Variants in CUL4A observed in about 807,000 individuals in gnomAD.
CUL4A encodes cullin-4A.
In CUL4A, 16 loss-of-function variants were observed where a neutral mutation model predicts 95.5. That is an observed-to-expected ratio of 0.17 (90% CI 0.11 to 0.25). The LOEUF (loss-of-function observed/expected upper bound fraction) is 0.25. CUL4A is among the 10% of genes least tolerant of loss of function. The pLI is 1.00. For missense variants in CUL4A, 610 were observed against 937.0 expected (o/e 0.65, Z 4.56); for synonymous variants, 380 against 353.1 (o/e 1.08, Z -0.85).
chr13:113,237,324 T>G (rs916988715), intron 9 of CUL4A, among the ~76,000 whole-genome samples: 4 of 152,210 alleles, frequency 2.6e-5, no homozygotes, highest in African/African-American at 9.7e-5. Flanking sequence ...CATCTTAGTG[T>G]CAGATGAACT....
At chr13:113,219,454 C>T (rs543954793) in intron 3 of CUL4A, 13 of 163,884 alleles carry the variant, frequency 7.9e-5, no homozygotes, top group Middle Eastern at 3.0e-3. Context: ...GGATTCTATG[C>T]TCAGTCTCAC....
At chr13:113,234,013 C>G (rs370554127) in intron 7 of CUL4A, 27 bp downstream of exon 7, 4 of 1,488,370 alleles carry the variant, frequency 2.7e-6, no homozygotes, top group Non-Finnish European at 1.9e-6. Context: ...TTTCCGAATC[C>G]CCTGGCTTCG....
chr13:113,224,228 C>T (rs376838826), intron 3 of CUL4A, among the ~76,000 whole-genome samples: 1 of 152,138 alleles, frequency 6.6e-6, no homozygotes, highest in Non-Finnish European at 1.5e-5. Flanking sequence ...TGGCGGGCAC[C>T]TGTAGTCCCA....
intron 10 of CUL4A, among the ~76,000 whole-genome samples, chr13:113,242,035 G>A (rs902823841): frequency 1.3e-5 from 2 of 152,094 alleles, no homozygotes; most frequent in Non-Finnish European, 2.9e-5. Context: ...ATACAAACTA[G>A]GCTAGGCACA....
At chr13:113,208,823 C>T, upstream of CUL4A, 2 of 1,410,004 alleles carry the variant, frequency 1.4e-6, no homozygotes, top group Non-Finnish European at 1.8e-6. Context: ...CGGGGTCTTT[C>T]TGCCGGGGCC....
At chr13:113,229,687 T>A (rs2041240258) in intron 5 of CUL4A, 168 bp downstream of exon 5, 1 of 591,414 alleles carries the variant, frequency 1.7e-6, no homozygotes, top group Non-Finnish European at 3.0e-6. Flanking sequence ...GGTCTTAGCC[T>A]TGAAACACCA....
At position 113,254,749 on chromosome 13, in the gene CUL4A, C is replaced by T. The variant is rs754199849; in HGVS notation, c.1809C>T (p.Asn603=). The change falls in exon 17 of 20, where the codon AAC becomes AAT. Residue 603 remains asparagine (N), a synonymous_variant. Coordinates refer to ENST00000375440, the MANE Select transcript of CUL4A (RefSeq NM_001008895.4). ...AGACACTGGTGCTCCTCATGTTCAA[C>T]GAGGGAGATGGCTTCAGCTTTGAGG... ...LFQTLVLLMF[N]EGDGFSFEEI... The T allele has an allele frequency of 5.6e-6, 9 of 1,613,150 alleles. No individual in the cohort carries two copies. The highest frequency in any genetic ancestry group is 1.3e-5 in the African/African-American group (1 of 74,858).
At chr13:113,224,791 A>G (rs2041040539) in intron 3 of CUL4A, among the ~76,000 whole-genome samples, 1 of 152,252 alleles carries the variant, frequency 6.6e-6, no homozygotes, top group Admixed American at 6.5e-5. Flanking sequence ...TGAAGAGACG[A>G]AAGCCCAAGA....
At chr13:113,245,118 AC>A (rs2041823113) in intron 13 of CUL4A, 33 bp from the exon 14 acceptor site, 1 of 1,612,780 alleles carries the variant, frequency 6.2e-7, no homozygotes, top group East Asian at 2.2e-5. Context: ...CCCGTGTGTT[AC>A]CCCGATCTCA....
chr13:113,218,885 T>G (rs1260460744), intron 2 of CUL4A, 60 bp from the exon 3 acceptor site: 2 of 1,225,542 alleles, frequency 1.6e-6, no homozygotes, highest in African/African-American at 3.0e-5. Context: ...ACAATAGGGT[T>G]TTTTTATGAA....
intron 19 of CUL4A, among the ~76,000 whole-genome samples, 174 bp downstream of exon 19, chr13:113,260,933 A>G (rs181524884): frequency 4.6e-5 from 7 of 152,350 alleles, no homozygotes; most frequent in Admixed American, 3.9e-4. Flanking sequence ...GGTGTTGCTC[A>G]TTGCCACTGC....
At chr13:113,251,678 T>C (rs536273996) in intron 15 of CUL4A, among the ~76,000 whole-genome samples, 1 of 152,298 alleles carries the variant, frequency 6.6e-6, no homozygotes, top group South Asian at 2.1e-4. Flanking sequence ...GCTCCCGTCA[T>C]GTGAAGACGT....
chr13:113,256,003 T>C (rs1250590817), intron 18 of CUL4A, among the ~76,000 whole-genome samples: 3 of 152,178 alleles, frequency 2.0e-5, no homozygotes, highest in Non-Finnish European at 4.4e-5. Flanking sequence ...GGTCACAGCC[T>C]TTTTCTGTGG....
intron 2 of CUL4A, among the ~76,000 whole-genome samples, chr13:113,218,512 C>T (rs1208380202): frequency 6.6e-6 from 1 of 152,192 alleles, no homozygotes; most frequent in Non-Finnish European, 1.5e-5. Flanking sequence ...CCTGATTTCA[C>T]TTTGTAATCA....
At chr13:113,250,892 AT>A (rs1043770933) in intron 15 of CUL4A, among the ~76,000 whole-genome samples, 1 of 152,038 alleles carries the variant, frequency 6.6e-6, no homozygotes, top group African/African-American at 2.4e-5. Context: ...GCAGCAGGTG[AT>A]TTATACATGT....
At chr13:113,209,538 C>A (rs113926957), upstream of CUL4A, 1 of 733,324 alleles carries the variant, frequency 1.4e-6, no homozygotes, top group Admixed American at 7.2e-5. Flanking sequence ...GCGAGGAGGA[C>A]GGGGCGGAGG....
rs1179849618 is a variant in CUL4A at position 113,266,411 on chromosome 13, T to C, written c.*2829T>C. 1 of 152,254 alleles carries C rather than the reference T, an allele frequency of 6.6e-6. No homozygotes were observed. The highest frequency in any genetic ancestry group is 2.4e-5 in the African/African-American group (1 of 41,470). The allele number at this position is 152,254 out of a possible 1,614,324, so 9.4% of individuals were successfully genotyped here. ...TATGTGAAAGGTATTATAACATTACTAAGGAACACAGGCCCTGAATAAGTG... is the reference window on the plus strand; with the variant it reads ...TATGTGAAAGGTATTATAACATTACCAAGGAACACAGGCCCTGAATAAGTG... On this transcript the variant is annotated 3_prime_UTR_variant, in exon 20 of 20. Coordinates refer to ENST00000375440, the MANE Select transcript of CUL4A (RefSeq NM_001008895.4).
chr13:113,228,153 A>C (rs2041175334), intron 4 of CUL4A, 108 bp downstream of exon 4: 1 of 861,028 alleles, frequency 1.2e-6, no homozygotes, highest in Non-Finnish European at 1.9e-6. Flanking sequence ...GTCTGTGTTC[A>C]GTGCTGTGGT....
upstream of CUL4A, chr13:113,208,239 C>G: frequency 5.5e-6 from 8 of 1,457,362 alleles, no homozygotes; most frequent in South Asian, 1.1e-4. Flanking sequence ...CGACACAGCA[C>G]CGCCCACAGC....
Sources: allele counts gnomAD v4.1 joint callset (sites outside exome capture counted in the v4.1 genomes callset), GRCh38; gene constraint gnomAD v4.1.1; transcripts MANE v1.5; gene names NCBI Gene and HGNC (gene_info 2026-07-23, HGNC 2026-07-21).